The following TMEM67 variants were observed in gnomAD, a reference collection of about 807,000 sequenced individuals.
The protein encoded by TMEM67 is meckelin.
In TMEM67, 124 loss-of-function variants were observed where a neutral mutation model predicts 136.6. The observed-to-expected ratio is 0.91, with a 90% CI of 0.78 to 1.05. The LOEUF is 1.05. TMEM67 is among the 50% of genes least tolerant of loss of function. The pLI is 0.00. For missense variants in TMEM67, 1,107 were observed against 1,178.4 expected, an observed-to-expected ratio of 0.94 and a Z score of 0.89; for synonymous variants, 364 against 390.5, an observed-to-expected ratio of 0.93 and a Z score of 0.80.
At chr8:93,792,583 A>T (rs1404430657) in intron 15 of TMEM67, among the ~76,000 whole-genome samples, 1 of 152,072 alleles carries the variant, frequency 6.6e-6, no homozygotes. Flanking sequence ...TTTATTTATT[A>T]ATTTGGAACT....
intron 4 of TMEM67, 30 bp downstream of exon 4, chr8:93,763,971 T>C (rs1419949938): frequency 6.2e-6 from 8 of 1,296,386 alleles, no homozygotes; most frequent in Non-Finnish European, 7.9e-6. Flanking sequence ...CTAACTTCAT[T>C]AATATCATCT....
At chr8:93,829,868 A>G in the TMEM67 span, among the ~76,000 whole-genome samples, 1 of 152,142 alleles carries the variant, frequency 6.6e-6, no homozygotes, top group Non-Finnish European at 1.5e-5. Context: ...AGAAAATAGA[A>G]TCTTTCTCTG....
At chr8:93,788,844 G>A (rs894943027) in intron 14 of TMEM67, among the ~76,000 whole-genome samples, 6 of 152,190 alleles carry the variant, frequency 3.9e-5, no homozygotes, top group Admixed American at 1.3e-4. Context: ...GAGGGCCTAC[G>A]TATGGAAGCG....
chr8:93,814,818 T>C (rs1290471989), intron 26 of TMEM67, among the ~76,000 whole-genome samples: 2 of 152,066 alleles, frequency 1.3e-5, no homozygotes, highest in African/African-American at 2.4e-5. Flanking sequence ...GGTGTTCACA[T>C]CCCAATAAGG....
intron 7 of TMEM67, among the ~76,000 whole-genome samples, chr8:93,775,205 T>TTTGA (rs1813487108): frequency 6.6e-6 from 1 of 152,160 alleles, no homozygotes; most frequent in South Asian, 2.1e-4. Context: ...GATGGGGTTG[T>TTTGA]TTTTTTCTTG....
intron 7 of TMEM67, among the ~76,000 whole-genome samples, chr8:93,777,800 G>A (rs925787960): frequency 1.3e-5 from 2 of 152,174 alleles, no homozygotes; most frequent in Non-Finnish European, 2.9e-5. Flanking sequence ...GAATAAGTGC[G>A]AGGTGGTGCT....
chr8:93,786,488 A>G, intron 13 of TMEM67, 142 bp downstream of exon 13: 1 of 936,380 alleles, frequency 1.1e-6, no homozygotes, highest in Admixed American at 2.1e-5. Context: ...AGATTGGCAT[A>G]GACCAGTAAA....
At chr8:93,791,156 A>G (rs1369549572) in intron 14 of TMEM67, 107 bp from the exon 15 acceptor site, 4 of 723,924 alleles carry the variant, frequency 5.5e-6, no homozygotes, top group Non-Finnish European at 7.2e-6. Context: ...ATAGTTAAAA[A>G]CTATAGTGTT....
rs1035742251 is a variant in TMEM67 at position 93,817,044 on chromosome 8, T to C, written c.*592T>C. ...ATCTCATGAAATGATATCTTTTCAT[T>C]CCTTTGTATACCTGTATTAGGTCAG... On this transcript the variant is annotated 3_prime_UTR_variant, in exon 28 of 28. Transcript: ENST00000453321. The C allele has an allele frequency of 6.6e-6, 1 of 152,392 alleles. No homozygotes were observed. The highest frequency in any genetic ancestry group is 1.5e-5 in the Non-Finnish European group (1 of 68,166). The allele number at this position is 152,392 out of a possible 1,614,324, so 9.4% of individuals were successfully genotyped here.
chr8:93,806,734 T>C (rs1224667761), intron 23 of TMEM67, among the ~76,000 whole-genome samples: 1 of 152,016 alleles, frequency 6.6e-6, no homozygotes, highest in African/African-American at 2.4e-5. Context: ...CAATAGAAAT[T>C]ACCTTGTGAT....
chr8:93,780,336 A>G (rs1207332943), intron 7 of TMEM67, among the ~76,000 whole-genome samples: 1 of 152,018 alleles, frequency 6.6e-6, no homozygotes, highest in African/African-American at 2.4e-5. Context: ...GGGTGAGGTG[A>G]TGCCCCACCC....
chr8:93,783,780 C>T (rs1236463858), intron 11 of TMEM67, among the ~76,000 whole-genome samples: 4 of 152,242 alleles, frequency 2.6e-5, no homozygotes, highest in Middle Eastern at 6.8e-3. Flanking sequence ...AAGAGAAGTA[C>T]TGAGCAAAAG....
Position 93,755,027 on chromosome 8 carries a change from CCTT to C in TMEM67, c.116_118del (p.Phe39del), listed in dbSNP as rs1320087637. On this transcript the variant is annotated inframe_deletion, in exon 1 of 28. Transcript: ENST00000453321. ...CTCCCTCGCTTCTTACAGGCCCAGA[CCTT>C]CTCTTTCCCTTTCCAGCAGCCGGAG... 2 of 1,614,220 alleles carry C rather than the reference CCTT, an allele frequency of 1.2e-6. No individual in the cohort carries two copies. Among genetic ancestry groups the C allele is most frequent in the East Asian group, 2.2e-5 (1 of 44,876 alleles).
chr8:93,812,211 T>C (rs1808731509), intron 26 of TMEM67, among the ~76,000 whole-genome samples: 1 of 151,674 alleles, frequency 6.6e-6, no homozygotes, highest in African/African-American at 2.4e-5. Flanking sequence ...ATGGATATCA[T>C]TGAAGGGTGC....
At chr8:93,755,405 C>A (rs1261439769) in intron 1 of TMEM67, among the ~76,000 whole-genome samples, 2 of 152,220 alleles carry the variant, frequency 1.3e-5, no homozygotes, top group Non-Finnish European at 2.9e-5. Context: ...TATACTTGCA[C>A]TTAAAATGGT....
downstream of TMEM67, among the ~76,000 whole-genome samples, chr8:93,818,692 A>G (rs1272660483): frequency 6.6e-6 from 1 of 152,214 alleles, no homozygotes; most frequent in African/African-American, 2.4e-5. Flanking sequence ...AAGCTTTGGT[A>G]TCTTGAACTA....
At chr8:93,823,826 A>G (rs959599008), downstream of TMEM67, among the ~76,000 whole-genome samples, 1 of 151,878 alleles carries the variant, frequency 6.6e-6, no homozygotes, top group African/African-American at 2.4e-5. Context: ...AGCAAACAGA[A>G]CAAGATTTTG....
At position 93,799,675 on chromosome 8, in the gene TMEM67, C is replaced by A; in HGVS notation, c.2158C>A (p.Pro720Thr). The A allele has an allele frequency of 6.2e-7, 1 of 1,613,444 alleles. No individual in the cohort carries two copies. Among genetic ancestry groups the A allele is most frequent in the South Asian group, 1.1e-5 (1 of 91,078 alleles). ...MDSSSSLSRN[P>T]PSYIAPYSCI... is the part of the protein sequence containing the mutation. ...CTCATCTTCTAGTCTTTCTAGAAACCCACCTAGCTACATAGCTCCTTATAG... is the reference window on the plus strand; with the variant it reads ...CTCATCTTCTAGTCTTTCTAGAAACACACCTAGCTACATAGCTCCTTATAG... Residue 720 changes from proline to threonine, a missense_variant, in exon 21 of 28, where the codon CCA (proline) becomes ACA (threonine). Pro to Thr is a conservative substitution (Grantham distance 38, BLOSUM62 -1). Transcript: ENST00000453321.
At position 93,801,393 on chromosome 8, in the gene TMEM67, C is replaced by T. The variant is rs1305420719; in HGVS notation, c.2241+1635C>T. Among the ~76,000 whole-genome samples the T allele has an allele frequency of 2.0e-5, 3 of 151,082 alleles. No homozygotes were observed. In the East Asian group the frequency reaches 5.8e-4, roughly 29 times the overall value. ...GGGACTACAGGCACATGCCACCACA[C>T]CCAGCAATTTTTTTTTTTTTTTTTT... On this transcript the variant is annotated intron_variant, in intron 21 of 27. Transcript: ENST00000453321.
Sources: gnomAD v4.1 joint callset for allele counts (sites outside exome capture counted in the v4.1 genomes callset) on GRCh38, gnomAD v4.1.1 for gene constraint, MANE v1.5 for transcripts, NCBI Gene and HGNC (gene_info 2026-07-23, HGNC 2026-07-21) for gene names.